The following DCX variants were observed in gnomAD, a reference collection of about 807,000 sequenced individuals.
The protein encoded by DCX is doublecortin, also known as neuronal migration protein doublecortin.
DCX carries 4 observed loss-of-function variants against 20.9 expected under a neutral mutation model. The ratio of observed to expected loss-of-function variants is 0.19; its 90% CI spans 0.09 to 0.44. The LOEUF (loss-of-function observed/expected upper bound fraction) is 0.44, where lower values mean the gene tolerates loss of function less well. DCX is among the 20% of genes least tolerant of loss of function. The pLI, the probability that DCX is intolerant of heterozygous loss-of-function variation, is 0.99. For missense variants in DCX, 133 were observed against 296.9 expected (o/e 0.45, Z 4.06); for synonymous variants, 103 against 111.4 (o/e 0.92, Z 0.47).
intron 3 of DCX, among the ~76,000 whole-genome samples, chrX:111,382,264 G>A (rs1395627088): frequency 1.8e-5 from 2 of 111,836 alleles, no homozygotes; most frequent in Admixed American, 1.9e-4. Context: ...ACAAATTAAA[G>A]TTTGAGACGC....
chrX:111,343,981 CA>C (rs962776132), intron 3 of DCX, among the ~76,000 whole-genome samples: 58 of 110,221 alleles, frequency 5.3e-4, no homozygotes, highest in African/African-American at 1.8e-3. Context: ...GACTCCATCT[CA>C]AAAAAAATAA....
At chrX:111,303,690 G>T (rs771240491) in intron 6 of DCX, among the ~76,000 whole-genome samples, 1 of 111,373 alleles carries the variant, frequency 9.0e-6, no homozygotes, top group South Asian at 3.8e-4. Context: ...AATCTGTAAG[G>T]TTTCTTCCAG....
At chrX:111,348,636 C>A (rs1039851771) in intron 3 of DCX, among the ~76,000 whole-genome samples, 3 of 110,363 alleles carry the variant, frequency 2.7e-5, no homozygotes, top group Non-Finnish European at 5.7e-5. Context: ...TCAGAAAGAA[C>A]TGGGGTGGAA....
At chrX:111,342,338 A>ATT (rs1922325260) in intron 3 of DCX, among the ~76,000 whole-genome samples, 1 of 39,488 alleles carries the variant, frequency 2.5e-5, no homozygotes, top group Non-Finnish European at 5.3e-5. Context: ...AGAGCTAACT[A>ATT]TTATATATAT....
chrX:111,335,137 C>G (rs1464431715), intron 3 of DCX, among the ~76,000 whole-genome samples: 1 of 112,038 alleles, frequency 8.9e-6, no homozygotes, highest in Non-Finnish European at 1.9e-5. Context: ...TTGAGGCTGC[C>G]TTTGACCCTG....
rs1459942303 is a variant in DCX, at chrX:111,408,617, AAGAAAGAAAGAAAAG to A, written c.364+1403_364+1417del. ...ACTCTGTGAAAGAAAGAAAGGAAGA[AAGAAAGAAAGAAAAG>A]AGAAAGAAAGAAAGAAAGAAAGAAA... On this transcript the variant is annotated intron_variant, in intron 2 of 6. Transcript: ENST00000636035. 1.2e-4 allele frequency among the ~76,000 whole-genome samples: 12 copies of A among 98,030 alleles called. No homozygotes were observed. In the South Asian group the frequency reaches 4.9e-3, roughly 40 times the overall value. The allele number at this position is 98,030 out of a possible 115,157, so 85.1% of individuals were successfully genotyped here.
At chrX:111,340,471 C>T (rs780631135) in intron 3 of DCX, among the ~76,000 whole-genome samples, 8 of 111,844 alleles carry the variant, frequency 7.2e-5, no homozygotes, top group African/African-American at 2.3e-4. Flanking sequence ...TCAGGGCAGC[C>T]CAGATGAGTG....
chrX:111,305,027 C>A (rs1010504867), intron 6 of DCX, among the ~76,000 whole-genome samples: 7 of 111,797 alleles, frequency 6.3e-5, no homozygotes, highest in Middle Eastern at 4.6e-3. Context: ...TCGGCAAAGG[C>A]TGGGAGTCTT....
intron 2 of DCX, among the ~76,000 whole-genome samples, chrX:111,407,877 T>G (rs942544767): frequency 2.7e-5 from 3 of 109,505 alleles, no homozygotes; most frequent in African/African-American, 6.7e-5. Flanking sequence ...AAATGGATTT[T>G]GGGGAAATTT....
intron 3 of DCX, among the ~76,000 whole-genome samples, chrX:111,400,451 G>A (rs1464099602): frequency 8.9e-6 from 1 of 111,893 alleles, no homozygotes; most frequent in Non-Finnish European, 1.9e-5. Flanking sequence ...ATGTCATATG[G>A]AAAAGAGAAA....
rs1460701323 is a variant in DCX, at chrX:111,312,724, G to A, written c.959C>T (p.Ser320Phe). 1.3e-5 allele frequency: 16 copies of A among 1,211,719 alleles called. No individual in the cohort carries two copies. Among genetic ancestry groups the A allele is most frequent in the Non-Finnish European group, 1.6e-5 (14 of 895,455 alleles). The change falls in exon 6 of 7, where the codon TCC becomes TTC. Residue 320 changes from serine (S) to phenylalanine (F), a missense_variant. Physicochemically the swap from Ser to Phe is radical, Grantham distance 155. Coordinates refer to ENST00000636035, the MANE Select transcript of DCX (RefSeq NM_001195553.2). ...SGNDQDANGT[S>F]SSQLSTPKSK... Reference sequence around the variant, plus strand: ...CTTGGGGGTAGAGAGCTGGCTGCTGGAGGTTCCGTTTGCTAGCCCAAAGCA... The same window carrying A: ...CTTGGGGGTAGAGAGCTGGCTGCTGAAGGTTCCGTTTGCTAGCCCAAAGCA...
chrX:111,312,123 C>T (rs759200450), intron 6 of DCX, among the ~76,000 whole-genome samples: 1 of 112,837 alleles, frequency 8.9e-6, no homozygotes, highest in Non-Finnish European at 1.9e-5. Flanking sequence ...TGTATATGTG[C>T]TCTCTTCCTA....
intron 5 of DCX, among the ~76,000 whole-genome samples, chrX:111,312,998 C>T (rs1045655201): frequency 1.8e-5 from 2 of 111,931 alleles, no homozygotes; most frequent in African/African-American, 6.5e-5. Flanking sequence ...TCACAGGGGT[C>T]TGTTTCTTTT....
intron 3 of DCX, among the ~76,000 whole-genome samples, chrX:111,391,494 C>T (rs1926950083): frequency 9.0e-6 from 1 of 111,611 alleles, no homozygotes. Context: ...CCTTTGCCTT[C>T]CTTTCAGCTT....
At chrX:111,377,920 T>C (rs752472707) in intron 3 of DCX, among the ~76,000 whole-genome samples, 5 of 111,165 alleles carry the variant, frequency 4.5e-5, no homozygotes, top group Non-Finnish European at 9.4e-5. Flanking sequence ...TTAACTAATC[T>C]TGAACACCTC....
chrX:111,388,079 G>A (rs1457480015), intron 3 of DCX, among the ~76,000 whole-genome samples: 1 of 111,886 alleles, frequency 8.9e-6, no homozygotes, highest in Non-Finnish European at 1.9e-5. Flanking sequence ...TTCTAAACCT[G>A]GCAATTGATA....
intron 6 of DCX, among the ~76,000 whole-genome samples, chrX:111,304,919 C>G (rs1174712169): frequency 9.0e-6 from 1 of 111,298 alleles, no homozygotes. Context: ...ATTGACTGAC[C>G]CTGAGGCCCT....
At chrX:111,395,261 G>C (rs750547936) in intron 3 of DCX, among the ~76,000 whole-genome samples, 31 of 112,098 alleles carry the variant, frequency 2.8e-4, no homozygotes, top group Non-Finnish European at 4.9e-4. Flanking sequence ...GAAGAACAGA[G>C]TGAAGACTAA....
In DCX at chrX:111,399,273, A is replaced by C. The variant is rs940650517; in HGVS notation, c.705+1717T>G. On this transcript the variant is annotated intron_variant, in intron 3 of 6. Transcript: ENST00000636035. ...AGAGTGCTTTCATATCCATTATTTGATTTAATCCTCATAAGAGTCCTGTGA... is the reference window on the plus strand; with the variant it reads ...AGAGTGCTTTCATATCCATTATTTGCTTTAATCCTCATAAGAGTCCTGTGA... Among the ~76,000 whole-genome samples, 4 of 111,360 alleles carry C rather than the reference A, an allele frequency of 3.6e-5. No individual in the cohort carries two copies. In the Admixed American group the frequency reaches 3.8e-4, roughly 11 times the overall value.
Sources: gnomAD v4.1 joint callset for allele counts (sites outside exome capture counted in the v4.1 genomes callset) on GRCh38, gnomAD v4.1.1 for gene constraint, MANE v1.5 for transcripts, NCBI Gene and HGNC (gene_info 2026-07-23, HGNC 2026-07-21) for gene names.